Variants in INSL6 observed in about 807,000 individuals in gnomAD.
The protein encoded by INSL6 is insulin like 6, also known as insulin-like peptide INSL6.
INSL6 carries 16 observed loss-of-function variants against 9.4 expected under a neutral mutation model. The observed-to-expected ratio is 1.70, with a 90% CI of 1.15 to 2.59. INSL6 has a LOEUF of 2.59. INSL6 is among the 30% of genes most tolerant of loss of function. The pLI is 0.00. For missense variants in INSL6, 391 were observed against 257.3 expected (o/e 1.52, Z -3.56); for synonymous variants, 154 against 96.9 (o/e 1.59, Z -3.46).
At chr9:5,077,044 A>G in the INSL6 span, among the ~76,000 whole-genome samples, 2 of 151,986 alleles carry the variant, frequency 1.3e-5, no homozygotes, top group South Asian at 4.1e-4. Flanking sequence ...CTTTATGTCT[A>G]TAGTACTATA....
downstream of INSL6, among the ~76,000 whole-genome samples, chr9:5,122,304 A>G (rs1029819520): frequency 6.6e-6 from 1 of 152,176 alleles, no homozygotes; most frequent in African/African-American, 2.4e-5. Flanking sequence ...TTAATGCTTG[A>G]GTGAACAATG....
intron 2 of INSL6, among the ~76,000 whole-genome samples, chr9:5,139,923 C>T (rs1824464480): frequency 6.6e-6 from 1 of 151,996 alleles, no homozygotes; most frequent in South Asian, 2.1e-4. Flanking sequence ...TTTTGGTGAA[C>T]AAAAATGTGT....
the INSL6 span, chr9:5,055,856 T>G: frequency 2.9e-6 from 4 of 1,375,686 alleles, no homozygotes; most frequent in African/African-American, 5.8e-5. Flanking sequence ...TTTTAGAATC[T>G]TAGTACCAAA....
At chr9:5,021,767 A>G in the INSL6 span, among the ~76,000 whole-genome samples, 3 of 152,298 alleles carry the variant, frequency 2.0e-5, no homozygotes, top group East Asian at 3.9e-4. Context: ...TAGGACTACA[A>G]GTGCGTGCTG....
chr9:5,163,806 A>C, downstream of INSL6: 1 of 738,042 alleles, frequency 1.4e-6, no homozygotes, highest in South Asian at 1.7e-5. Context: ...TTGCAAGTAC[A>C]TTCAGACATT....
At chr9:5,124,360 T>C (rs1334581510) in exon 4 of INSL6, among the ~76,000 whole-genome samples, 1 of 151,832 alleles carries the variant, frequency 6.6e-6, no homozygotes, top group Non-Finnish European at 1.5e-5. Context: ...CATTTAAGTC[T>C]GTAATCGATC....
the INSL6 span, among the ~76,000 whole-genome samples, chr9:5,015,783 C>G: frequency 6.6e-6 from 1 of 152,070 alleles, no homozygotes; most frequent in Non-Finnish European, 1.5e-5. Flanking sequence ...ATTCGGGAAA[C>G]ATTTACTGAG....
At chr9:5,122,202 A>G (rs954409710), downstream of INSL6, among the ~76,000 whole-genome samples, 2 of 152,136 alleles carry the variant, frequency 1.3e-5, no homozygotes, top group Non-Finnish European at 2.9e-5. Context: ...TCTAAAACAC[A>G]TCTCTGTAGC....
intron 2 of INSL6, among the ~76,000 whole-genome samples, chr9:5,142,568 G>A (rs1445868823): frequency 6.6e-6 from 1 of 152,206 alleles, no homozygotes; most frequent in Non-Finnish European, 1.5e-5. Context: ...CTGAGGCTTT[G>A]CTGAAGCTGT....
At chr9:4,995,008 A>G in the INSL6 span, among the ~76,000 whole-genome samples, 37 of 152,302 alleles carry the variant, frequency 2.4e-4, no homozygotes, top group East Asian at 6.7e-3. Context: ...CAAAAGTGGT[A>G]TATGTTACTA....
At chr9:5,181,258 T>C (rs906358464) in intron 1 of INSL6, among the ~76,000 whole-genome samples, 6 of 152,136 alleles carry the variant, frequency 3.9e-5, no homozygotes, top group African/African-American at 9.7e-5. Context: ...AAAATAAACA[T>C]TGAAGACTTG....
At chr9:5,091,884 C>A in the INSL6 span, among the ~76,000 whole-genome samples, 1 of 151,876 alleles carries the variant, frequency 6.6e-6, no homozygotes, top group Admixed American at 6.6e-5. Flanking sequence ...AGTAAGAGAC[C>A]TAGGGTGGTT....
chr9:5,179,787 G>C (rs1282189061), intron 1 of INSL6, among the ~76,000 whole-genome samples: 1 of 152,194 alleles, frequency 6.6e-6, no homozygotes, highest in Non-Finnish European at 1.5e-5. Context: ...AGTGTGAACT[G>C]AACGATGAGA....
At chr9:5,053,213 C>A in the INSL6 span, among the ~76,000 whole-genome samples, 2 of 152,030 alleles carry the variant, frequency 1.3e-5, no homozygotes, top group African/African-American at 2.4e-5. Flanking sequence ...ATGTTCATTT[C>A]TCTAATGACT....
chr9:5,143,756 T>G (rs1824547910), intron 2 of INSL6, among the ~76,000 whole-genome samples: 1 of 151,554 alleles, frequency 6.6e-6, no homozygotes, highest in East Asian at 1.9e-4. Context: ...ACCTGCTGGG[T>G]TCAAGCGATT....
chr9:5,008,305 G>A, the INSL6 span, among the ~76,000 whole-genome samples: 1 of 152,138 alleles, frequency 6.6e-6, no homozygotes, highest in Non-Finnish European at 1.5e-5. Context: ...GGCCTAACAT[G>A]TGGTCTACTT....
At chr9:5,082,376 C>G in the INSL6 span, among the ~76,000 whole-genome samples, 5 of 152,252 alleles carry the variant, frequency 3.3e-5, no homozygotes, top group Non-Finnish European at 7.3e-5. Flanking sequence ...ATTTATGCTT[C>G]TCTCCACCCA....
chr9:5,174,483 C>G (rs980960711), intron 1 of INSL6, among the ~76,000 whole-genome samples: 4 of 152,150 alleles, frequency 2.6e-5, no homozygotes, highest in African/African-American at 9.7e-5. Context: ...TTGGTTTCCA[C>G]GATATCACAC....
At chr9:5,110,427 C>G in the INSL6 span, 6,935 of 152,442 alleles carry the variant, frequency 0.045, 226 homozygotes, top group Non-Finnish European at 0.067. Flanking sequence ...CATTAATCAG[C>G]CACATCTAGC....
Sources: allele counts gnomAD v4.1 joint callset (sites outside exome capture counted in the v4.1 genomes callset), GRCh38; gene constraint gnomAD v4.1.1; transcripts MANE v1.5; gene names NCBI Gene and HGNC (gene_info 2026-07-23, HGNC 2026-07-21).